The following PCARE variants were observed in gnomAD, a reference collection of about 807,000 sequenced individuals.
The protein encoded by PCARE is uncharacterized protein C2orf71.
A neutral mutation model predicts 82.2 loss-of-function variants in PCARE; 72 were observed. That is an observed-to-expected ratio of 0.88 (90% confidence interval 0.72 to 1.07). The LOEUF (loss-of-function observed/expected upper bound fraction) is 1.07. Ranked by LOEUF, PCARE falls within the 50% of genes least tolerant of loss-of-function variation. PCARE has a pLI of 0.00. For missense variants in PCARE, 1,768 were observed against 1,592.4 expected, an observed-to-expected ratio of 1.11 and a Z score of -1.88; for synonymous variants, 705 against 634.8, an observed-to-expected ratio of 1.11 and a Z score of -1.66.
chr2:29,069,393 C>T (rs1301599255), intron 1 of PCARE, among the ~76,000 whole-genome samples: 4 of 152,182 alleles, frequency 2.6e-5, no homozygotes, highest in Admixed American at 2.0e-4. Context: ...ATGTCTTTTG[C>T]AGGCACATGG....
chr2:29,064,543 A>C lies in PCARE; in HGVS notation c.*326T>G. On this transcript the variant is annotated 3_prime_UTR_variant, in exon 2 of 2. Transcript: ENST00000331664. ...GTGATCTCAAGGAATGAACCCAGTT[A>C]AAACCCTATCAAGCATGCAACTATA... 2.0e-6 allele frequency: 1 copy of C among 491,204 alleles called. No individual in the cohort carries two copies. Among genetic ancestry groups the C allele is most frequent in the Non-Finnish European group, 3.7e-6 (1 of 269,234 alleles). The allele number at this position is 491,204 out of a possible 1,614,324, so 30.4% of individuals were successfully genotyped here. A position where few individuals can be genotyped will look rare whatever the true frequency, so the allele number is the denominator to read the frequency against.
chr2:29,070,506 C>T, intron 1 of PCARE, 88 bp downstream of exon 1: 2 of 1,569,838 alleles, frequency 1.3e-6, no homozygotes, highest in East Asian at 2.2e-5. Context: ...TTGAAAACTA[C>T]TGAGACCCAG....
chr2:29,070,839 G>A lies in PCARE; in HGVS notation c.3423C>T (p.His1141=). The part of the protein sequence containing the change: ...FEAKPPLSTA[H]PLTPPSLPPE... ...GCGGCAGCGATGGTGGGGTCAGTGG[G>A]TGGGCTGTTGAGAGTGGCGGTTTAG... is the stretch of plus-strand genomic sequence containing the variant. The change falls in exon 1 of 2, where the codon CAC becomes CAT. Residue 1141 remains histidine, a synonymous_variant. Coordinates refer to ENST00000331664, the MANE Select transcript of PCARE (RefSeq NM_001029883.3). The A allele has an allele frequency of 6.2e-7, 1 of 1,614,154 alleles. No individual in the cohort carries two copies. Among genetic ancestry groups the A allele is most frequent in the South Asian group, 1.1e-5 (1 of 91,092 alleles).
intron 1 of PCARE, among the ~76,000 whole-genome samples, chr2:29,070,067 A>T (rs1667445566): frequency 6.6e-6 from 1 of 152,070 alleles, no homozygotes; most frequent in African/African-American, 2.4e-5. Context: ...GGTTGAACTA[A>T]CTTGAGTGTT....
At position 29,073,713 on chromosome 2, in the gene PCARE, G is replaced by A. The variant is rs760104173; in HGVS notation, c.549C>T (p.Ala183=). 12 of 1,613,242 alleles carry A rather than the reference G, an allele frequency of 7.4e-6. No homozygotes were observed. In the East Asian group the frequency reaches 2.7e-4, roughly 36 times the overall value. ...GTAGATAGGTGTAAGCCTGCTGGTG[G>A]GCCTTTACCAGAGGCTCCGGGAAGT... ...KVDFPEPLVK[A]HQQAYTYLHS... is the part of the protein sequence containing the mutation. The change falls in exon 1 of 2, where the codon GCC becomes GCT. Residue 183 remains alanine, a synonymous_variant. Coordinates refer to ENST00000331664, the MANE Select transcript of PCARE (RefSeq NM_001029883.3).
chr2:29,070,669 T>C lies in PCARE; in HGVS notation c.3593A>G (p.Gln1198Arg). Residue 1198 changes from glutamine (Q) to arginine (R), a missense_variant, in exon 1 of 2, where the codon CAG becomes CGG. By Grantham distance (43) the Gln-to-Arg change is conservative. Transcript: ENST00000331664. ...GGGAGGCTGCGGTCGGCCACCTGGCTGGCGGTCAGAAGCTGTCCTCCTGAG... is the reference window on the plus strand; with the variant it reads ...GGGAGGCTGCGGTCGGCCACCTGGCCGGCGGTCAGAAGCTGTCCTCCTGAG... ...PFLRRTASDR[Q>R]PGGRPQPPTL... 1 of 1,614,146 alleles carries C rather than the reference T, an allele frequency of 6.2e-7. No individual in the cohort carries two copies. The highest frequency in any genetic ancestry group is 8.5e-7 in the Non-Finnish European group (1 of 1,180,012).
Position 29,074,363 on chromosome 2 carries a change from T to A in PCARE, c.-102A>T. The stretch of plus-strand genomic sequence containing the variant: ...ATCTTACTAGTCCATCCAGGCAATT[T>A]TCAGGCCAGAATTCTTTGAAGTCCA... On this transcript the variant is annotated 5_prime_UTR_variant, in exon 1 of 2. Coordinates refer to ENST00000331664, the MANE Select transcript of PCARE (RefSeq NM_001029883.3). 7.8e-7 allele frequency: 1 copy of A among 1,281,112 alleles called. No homozygotes were observed. Among genetic ancestry groups the A allele is most frequent in the Non-Finnish European group, 1.1e-6 (1 of 941,338 alleles). 79.4% of individuals were successfully genotyped at this position (1,281,112 alleles called of 1,614,324 possible). A position where few individuals can be genotyped will look rare whatever the true frequency, so the allele number is the denominator to read the frequency against.
In PCARE at chr2:29,065,084, C is replaced by A. The variant is rs1172297463; in HGVS notation, c.3669-17G>T. The A allele has an allele frequency of 1.3e-6, 2 of 1,548,736 alleles. No homozygotes were observed. Among genetic ancestry groups the A allele is most frequent in the Admixed American group, 3.9e-5 (2 of 50,998 alleles). ...TCGCTGCTGCTGCCGAGAGAAAGGA[C>A]AAGTGCAGGTCAGACACTCCTCCTC... On this transcript the variant is annotated splice_polypyrimidine_tract_variant and intron_variant, in intron 1 of 1. Transcript: ENST00000331664.
chr2:29,065,367 G>C (rs1667376810), intron 1 of PCARE, among the ~76,000 whole-genome samples: 2 of 152,240 alleles, frequency 1.3e-5, no homozygotes, highest in African/African-American at 4.8e-5. Flanking sequence ...AGCTCTGGGA[G>C]CTGGGCCTTT....
At position 29,073,302 on chromosome 2, in the gene PCARE, G is replaced by T; in HGVS notation, c.960C>A (p.Arg320=). The change falls in exon 1 of 2, where the codon CGC becomes CGA. Residue 320 remains arginine (R), a synonymous_variant. Coordinates refer to ENST00000331664, the MANE Select transcript of PCARE (RefSeq NM_001029883.3). ...KLSTKRNVDE[R]LLRALRQLES... ...CTAGCTGCCTCAGAGCCCTCAGGAGGCGTTCATCCACATTCCTTTTTGTGC... is the reference window on the plus strand; with the variant it reads ...CTAGCTGCCTCAGAGCCCTCAGGAGTCGTTCATCCACATTCCTTTTTGTGC... 1 of 1,614,178 alleles carries T rather than the reference G, an allele frequency of 6.2e-7. No individual in the cohort carries two copies. Among genetic ancestry groups the T allele is most frequent in the Non-Finnish European group, 8.5e-7 (1 of 1,180,028 alleles).
chr2:29,071,684 TGGG>T lies in PCARE; in HGVS notation c.2575_2577del (p.Pro859del), dbSNP rs777107723. The stretch of plus-strand genomic sequence containing the variant: ...CCCGGCCCTGGCTCCTGGGTTTCCT[TGGG>T]GGAGTTCTCTGTGGACTTGCTGCTT... On this transcript the variant is annotated inframe_deletion, in exon 1 of 2. Transcript: ENST00000331664. 14 of 1,613,938 alleles carry T rather than the reference TGGG, an allele frequency of 8.7e-6. No homozygotes were observed. Among genetic ancestry groups the T allele is most frequent in the Non-Finnish European group, 1.2e-5 (14 of 1,179,978 alleles).
Position 29,070,952 on chromosome 2 carries a change from C to G in PCARE, c.3310G>C (p.Asp1104His), listed in dbSNP as rs1667464732. ...SPSQEHKETR[D>H]SEDSQAVIAK... ...ATGACTGCTTGGCTGTCTTCAGAGT[C>G]TCTTGTTTCCTTGTGCTCCTGAGAA... is the stretch of plus-strand genomic sequence containing the variant. Residue 1104 changes from aspartate (D) to histidine (H), a missense_variant, in exon 1 of 2, where the codon GAC becomes CAC. By Grantham distance (81) the Asp-to-His change is moderately conservative. Coordinates refer to ENST00000331664, the MANE Select transcript of PCARE (RefSeq NM_001029883.3). The G allele has an allele frequency of 6.2e-7, 1 of 1,612,304 alleles. No homozygotes were observed. Among genetic ancestry groups the G allele is most frequent in the African/African-American group, 1.3e-5 (1 of 74,322 alleles).
chr2:29,068,905 C>A (rs1318877154), intron 1 of PCARE, among the ~76,000 whole-genome samples: 2 of 152,192 alleles, frequency 1.3e-5, no homozygotes, highest in East Asian at 3.8e-4. Flanking sequence ...ATATTCTATG[C>A]CTCCAGGACT....
chr2:29,066,688 T>G (rs1667396736), intron 1 of PCARE, among the ~76,000 whole-genome samples: 1 of 152,256 alleles, frequency 6.6e-6, no homozygotes, highest in Admixed American at 6.5e-5. Flanking sequence ...CCCAACTCAC[T>G]GTGCCATGGA....
chr2:29,068,842 A>C (rs1667429852), intron 1 of PCARE, among the ~76,000 whole-genome samples: 1 of 152,184 alleles, frequency 6.6e-6, no homozygotes, highest in African/African-American at 2.4e-5. Flanking sequence ...AAACTTTTGA[A>C]GTTAGAGGAG....
Position 29,073,145 on chromosome 2 carries a change from G to A in PCARE, c.1117C>T (p.Leu373Phe). 2 of 1,614,152 alleles carry A rather than the reference G, an allele frequency of 1.2e-6. No individual in the cohort carries two copies. Among genetic ancestry groups the A allele is most frequent in the Non-Finnish European group, 1.7e-6 (2 of 1,180,028 alleles). The change falls in exon 1 of 2, where the codon CTT (leucine) becomes TTT (phenylalanine). Residue 373 changes from leucine (L) to phenylalanine (F), a missense_variant. Physicochemically the swap from Leu to Phe is conservative, Grantham distance 22. Coordinates refer to ENST00000331664, the MANE Select transcript of PCARE (RefSeq NM_001029883.3). ...DKLGKQTSWD[L>F]APEPEEWKSV... is the part of the protein sequence containing the mutation. ...TTCCATTCTTCGGGCTCTGGTGCAA[G>A]GTCCCAGCTGGTTTGCTTGCCCAGC...
At position 29,073,156 on chromosome 2, in the gene PCARE, G is replaced by A; in HGVS notation, c.1106C>T (p.Thr369Ile). The change falls in exon 1 of 2, where the codon ACC (threonine) becomes ATC (isoleucine). Residue 369 changes from threonine to isoleucine, a missense_variant. Physicochemically the swap from Thr to Ile is moderately conservative, Grantham distance 89 (BLOSUM62 -1). Transcript: ENST00000331664. ...GGGCTCTGGTGCAAGGTCCCAGCTG[G>A]TTTGCTTGCCCAGCTTGTCCACCGA... is the stretch of plus-strand genomic sequence containing the variant. ...VQSVDKLGKQ[T>I]SWDLAPEPEE... 6.2e-7 allele frequency: 1 copy of A among 1,614,130 alleles called. No individual in the cohort carries two copies. Among genetic ancestry groups the A allele is most frequent in the Non-Finnish European group, 8.5e-7 (1 of 1,180,024 alleles).
In PCARE at chr2:29,065,861, A is replaced by T. The variant is rs1572822728; in HGVS notation, c.3669-794T>A. Among the ~76,000 whole-genome samples the T allele has an allele frequency of 2.0e-5, 3 of 152,196 alleles. No individual in the cohort carries two copies. In the East Asian group the frequency reaches 5.8e-4, roughly 29 times the overall value. On this transcript the variant is annotated intron_variant, in intron 1 of 1. Coordinates refer to ENST00000331664, the MANE Select transcript of PCARE (RefSeq NM_001029883.3). ...GCTTCCTTCCTTATAAAATGGAAGT[A>T]ATAGGCCGGGCGTGCTGGCTCACAC...
chr2:29,067,040 T>C (rs1667400718), intron 1 of PCARE, among the ~76,000 whole-genome samples: 1 of 149,290 alleles, frequency 6.7e-6, no homozygotes, highest in Non-Finnish European at 1.5e-5. Context: ...TCAGGAGATA[T>C]AAACATCATC....
Sources: allele counts gnomAD v4.1 joint callset (sites outside exome capture counted in the v4.1 genomes callset), GRCh38; gene constraint gnomAD v4.1.1; transcripts MANE v1.5; gene names NCBI Gene and HGNC (gene_info 2026-07-23, HGNC 2026-07-21).